The following KAZN variants were observed in gnomAD, a reference collection of about 807,000 sequenced individuals.
The protein encoded by KAZN is kazrin, periplakin interacting protein, also known as kazrin.
In KAZN, 40 loss-of-function variants were observed where a neutral mutation model predicts 87.4. The observed-to-expected ratio is 0.46, with a 90% CI of 0.36 to 0.60. The LOEUF (loss-of-function observed/expected upper bound fraction) is 0.60, where lower values mean the gene tolerates loss of function less well. Among genes scored for constraint, KAZN ranks in the 20% least tolerant of loss-of-function variants. The probability of loss-of-function intolerance (pLI) is 0.00; values close to 1 mark genes in which losing one functional copy is unlikely to be tolerated. For synonymous variants in KAZN, 466 were observed against 458.3 expected (o/e 1.02, Z -0.22); for missense variants, 898 against 1,073.9 (o/e 0.84, Z 2.29).
chr1:14,654,687 A>C (rs964043980), intron 1 of KAZN, among the ~76,000 whole-genome samples: 1 of 152,114 alleles, frequency 6.6e-6, no homozygotes, highest in Non-Finnish European at 1.5e-5. Context: ...GCTGCTTTTG[A>C]GGCCTTTGGG....
chr1:15,005,078 A>G (rs1288797414), intron 2 of KAZN, among the ~76,000 whole-genome samples: 1 of 152,232 alleles, frequency 6.6e-6, no homozygotes, highest in Non-Finnish European at 1.5e-5. Context: ...AACCAAGCCC[A>G]GGCTGGGAAT....
chr1:14,379,102 G>C (rs1407301512), intron 2 of KAZN, among the ~76,000 whole-genome samples: 1 of 149,290 alleles, frequency 6.7e-6, no homozygotes, highest in Non-Finnish European at 1.5e-5. Flanking sequence ...TTCCAGGCCT[G>C]AGCTCCCAGA....
At chr1:14,924,772 C>G (rs914332785) in intron 1 of KAZN, among the ~76,000 whole-genome samples, 1 of 152,092 alleles carries the variant, frequency 6.6e-6, no homozygotes, top group Non-Finnish European at 1.5e-5. Flanking sequence ...GGCGTGGGGA[C>G]CGGGGCTCGG....
chr1:14,574,429 G>A (rs1296858610), intron 2 of KAZN, among the ~76,000 whole-genome samples: 1 of 152,158 alleles, frequency 6.6e-6, no homozygotes, highest in Non-Finnish European at 1.5e-5. Context: ...ATAGAATCAT[G>A]GAGGCGATTT....
At chr1:14,519,390 C>G (rs1436435734) in intron 2 of KAZN, among the ~76,000 whole-genome samples, 2 of 152,152 alleles carry the variant, frequency 1.3e-5, no homozygotes, top group African/African-American at 2.4e-5. Flanking sequence ...GGCAAAGAAA[C>G]AAAGAAAGGA....
At chr1:14,860,927 A>G (rs998023542) in intron 1 of KAZN, among the ~76,000 whole-genome samples, 5 of 152,210 alleles carry the variant, frequency 3.3e-5, no homozygotes, top group African/African-American at 1.2e-4. Flanking sequence ...ATTACTTCTT[A>G]TCAGATTCGA....
At chr1:14,469,546 A>C (rs2148366591) in intron 2 of KAZN, among the ~76,000 whole-genome samples, 1 of 152,350 alleles carries the variant, frequency 6.6e-6, no homozygotes, top group African/African-American at 2.4e-5. Flanking sequence ...TTATCAGTGA[A>C]GATGGCAACA....
At chr1:14,810,574 C>A (rs1199258127) in intron 1 of KAZN, among the ~76,000 whole-genome samples, 2 of 152,102 alleles carry the variant, frequency 1.3e-5, no homozygotes, top group African/African-American at 4.8e-5. Context: ...TGGACATGAC[C>A]CCCTCCCACC....
intron 2 of KAZN, among the ~76,000 whole-genome samples, chr1:14,260,929 T>C (rs922774877): frequency 1.3e-5 from 2 of 152,196 alleles, no homozygotes; most frequent in African/African-American, 4.8e-5. Flanking sequence ...CTCCCACTCA[T>C]GGAGCCACAT....
At chr1:14,897,588 A>C (rs1414236638) in intron 1 of KAZN, among the ~76,000 whole-genome samples, 1 of 151,578 alleles carries the variant, frequency 6.6e-6, no homozygotes. Context: ...TACTATAAAT[A>C]ACATATTTTA....
rs528787948 is a variant in KAZN at position 14,727,882 on chromosome 1, G to A, written c.226+128659G>A. On this transcript the variant is annotated intron_variant, in intron 1 of 14. Coordinates refer to ENST00000376030, the MANE Select transcript of KAZN (RefSeq NM_201628.3). ...TTTCCTGCAACTAGACAGTCTCATC[G>A]AGTGGTGATGGGAGATAGCAACAGA... is the stretch of plus-strand genomic sequence containing the variant. Among the ~76,000 whole-genome samples the A allele has an allele frequency of 7.9e-5, 12 of 152,164 alleles. No homozygotes were observed. In the East Asian group the frequency reaches 2.1e-3, roughly 27 times the overall value.
At chr1:14,978,564 C>T (rs1327623341) in intron 2 of KAZN, among the ~76,000 whole-genome samples, 7 of 152,146 alleles carry the variant, frequency 4.6e-5, no homozygotes, top group Non-Finnish European at 5.9e-5. Flanking sequence ...CTTCTTTGTT[C>T]GTTTCTCTTA....
At chr1:14,498,853 A>G (rs1213104527) in intron 2 of KAZN, among the ~76,000 whole-genome samples, 1 of 152,062 alleles carries the variant, frequency 6.6e-6, no homozygotes, top group Non-Finnish European at 1.5e-5. Flanking sequence ...CTACAGTGAC[A>G]GTTCCCCAGG....
At chr1:14,226,591 C>A (rs900248642) in intron 2 of KAZN, among the ~76,000 whole-genome samples, 3 of 152,260 alleles carry the variant, frequency 2.0e-5, no homozygotes, top group Admixed American at 2.0e-4. Context: ...ACCATAAAGA[C>A]ACATGCACGT....
intron 1 of KAZN, among the ~76,000 whole-genome samples, chr1:14,822,365 A>G (rs1288097722): frequency 2.6e-5 from 4 of 152,366 alleles, no homozygotes; most frequent in Non-Finnish European, 5.9e-5. Flanking sequence ...GGGAGAAAAC[A>G]TCCTTGTCTT....
intron 1 of KAZN, among the ~76,000 whole-genome samples, chr1:13,953,746 G>A (rs1641440097): frequency 6.6e-6 from 1 of 152,096 alleles, no homozygotes; most frequent in African/African-American, 2.4e-5. Context: ...TCTTTAGCTT[G>A]TTTTTTACAT....
chr1:14,556,457 T>C (rs1457111100), intron 2 of KAZN, among the ~76,000 whole-genome samples: 1 of 152,208 alleles, frequency 6.6e-6, no homozygotes, highest in East Asian at 1.9e-4. Flanking sequence ...CATAAGCACA[T>C]GAAAATTAAA....
chr1:13,919,511 T>C (rs1456711463), intron 1 of KAZN, among the ~76,000 whole-genome samples: 1 of 152,244 alleles, frequency 6.6e-6, no homozygotes, highest in East Asian at 1.9e-4. Flanking sequence ...TGACAATGCA[T>C]TCTTTTCCAA....
intron 2 of KAZN, among the ~76,000 whole-genome samples, chr1:15,030,080 G>A (rs1047295272): frequency 2.2e-4 from 34 of 152,090 alleles, no homozygotes; most frequent in African/African-American, 8.2e-4. Flanking sequence ...TGTGGTCTTC[G>A]TTTCCCCCTC....
Sources: gnomAD v4.1 joint callset for allele counts (sites outside exome capture counted in the v4.1 genomes callset) on GRCh38, gnomAD v4.1.1 for gene constraint, MANE v1.5 for transcripts, NCBI Gene and HGNC (gene_info 2026-07-23, HGNC 2026-07-21) for gene names.